SLC60A1: variants seen among roughly 807,000 people sequenced by gnomAD.
The protein encoded by SLC60A1 is major facilitator superfamily domain containing 4.
chr1:205,602,253 C>T, the SLC60A1 span: 1 of 152,640 alleles, frequency 6.6e-6, no homozygotes, highest in South Asian at 2.1e-4. Context: ...ACACGCCTGA[C>T]ACTAAAAGGT....
At chr1:205,593,444 ACT>A in the SLC60A1 span, among the ~76,000 whole-genome samples, 2 of 36,254 alleles carry the variant, frequency 5.5e-5, no homozygotes, top group African/African-American at 1.4e-4. Context: ...ACAGGGCGAG[ACT>A]CTGTCTCAAA....
the SLC60A1 span, chr1:205,583,904 G>A: frequency 2.5e-6 from 4 of 1,585,870 alleles, no homozygotes; most frequent in South Asian, 1.1e-5. Flanking sequence ...CCAGGCGTGG[G>A]AAGGGGGAGC....
chr1:205,592,332 G>C, the SLC60A1 span: 1 of 1,556,480 alleles, frequency 6.4e-7, no homozygotes, highest in Non-Finnish European at 8.7e-7. Flanking sequence ...ATCTAGCTGG[G>C]CGCCGCCGCC....
the SLC60A1 span, among the ~76,000 whole-genome samples, chr1:205,584,365 T>A: frequency 3.9e-3 from 597 of 151,222 alleles, 3 homozygotes; most frequent in African/African-American, 0.014. Flanking sequence ...GGGATTACAG[T>A]CACATGCCAC....
chr1:205,572,516 C>T, the SLC60A1 span, among the ~76,000 whole-genome samples: 2 of 152,148 alleles, frequency 1.3e-5, no homozygotes, highest in African/African-American at 4.8e-5. Flanking sequence ...TCCTACCCTG[C>T]CCCAGACCTA....
chr1:205,580,920 A>G, the SLC60A1 span: 36 of 1,612,962 alleles, frequency 2.2e-5, no homozygotes, highest in Non-Finnish European at 2.8e-5. This position sits in a 1 kb window ranked among gnomAD's most constrained non-coding sequence, Gnocchi z 5.0. Context: ...GCCCTCATCA[A>G]TGTGAGTGTC....
chr1:205,600,660 C>G, the SLC60A1 span: 2 of 574,412 alleles, frequency 3.5e-6, no homozygotes, highest in Non-Finnish European at 6.2e-6. Flanking sequence ...CCTGGCTTCT[C>G]AAGTTATCTT....
At chr1:205,600,307 C>A in the SLC60A1 span, 1 of 1,259,282 alleles carries the variant, frequency 7.9e-7, no homozygotes, top group Non-Finnish European at 1.1e-6. Context: ...CACAGAATGG[C>A]AGAGAAACAA....
chr1:205,580,623 A>ACCCCCCCCC, the SLC60A1 span: 2 of 1,570,440 alleles, frequency 1.3e-6, no homozygotes, highest in South Asian at 1.1e-5. The surrounding 1 kb of genome is among the most constrained non-coding windows in gnomAD (Gnocchi z 5.0). Context: ...CTGAAGACTG[A>ACCCCCCCCC]CCCCCACCCC....
At chr1:205,598,508 T>A in the SLC60A1 span, 1 of 153,480 alleles carries the variant, frequency 6.5e-6, no homozygotes, top group Non-Finnish European at 1.5e-5. Context: ...CATCTAGATC[T>A]TCCGGCCTCC....
At chr1:205,580,035 C>T in the SLC60A1 span, 26 of 1,386,196 alleles carry the variant, frequency 1.9e-5, no homozygotes, top group Non-Finnish European at 2.5e-5. The surrounding 1 kb of genome is among the most constrained non-coding windows in gnomAD (Gnocchi z 5.0). Flanking sequence ...CAGCCTCCTC[C>T]CCCAGGGGCC....
the SLC60A1 span, chr1:205,580,100 G>T: frequency 4.7e-6 from 4 of 857,662 alleles, no homozygotes; most frequent in Non-Finnish European, 7.0e-6. This position sits in a 1 kb window ranked among gnomAD's most constrained non-coding sequence, Gnocchi z 5.0. Flanking sequence ...CTCTAAAGCA[G>T]AGCAGTGATC....
At chr1:205,599,492 A>G in the SLC60A1 span, among the ~76,000 whole-genome samples, 1 of 152,162 alleles carries the variant, frequency 6.6e-6, no homozygotes, top group Admixed American at 6.5e-5. Context: ...TGGTTTCTCC[A>G]TTAGCAGAGG....
chr1:205,579,894 T>A, the SLC60A1 span: 2 of 1,613,994 alleles, frequency 1.2e-6, no homozygotes, highest in East Asian at 4.5e-5. Context: ...ATCGACACCG[T>A]GGCCAACATG....
At chr1:205,585,213 TTTTTG>T in the SLC60A1 span, among the ~76,000 whole-genome samples, 3 of 151,486 alleles carry the variant, frequency 2.0e-5, no homozygotes, top group African/African-American at 7.2e-5. The surrounding 1 kb of genome is among the most constrained non-coding windows in gnomAD (Gnocchi z 4.2). Context: ...TTGTTTTTTA[TTTTTG>T]TTTTATTTTT....
the SLC60A1 span, among the ~76,000 whole-genome samples, chr1:205,577,680 C>T: frequency 0.039 from 5,934 of 152,236 alleles, 360 homozygotes; most frequent in African/African-American, 0.13. This position sits in a 1 kb window ranked among gnomAD's most constrained non-coding sequence, Gnocchi z 5.2. Context: ...CCTGCATTTG[C>T]ACCTTCTGAG....
the SLC60A1 span, among the ~76,000 whole-genome samples, chr1:205,588,476 A>C: frequency 6.7e-6 from 1 of 149,664 alleles, no homozygotes; most frequent in Non-Finnish European, 1.5e-5. Context: ...AATCAAAAAA[A>C]AAAAAAAAAA....
At chr1:205,569,416 G>A in the SLC60A1 span, 1 of 618,606 alleles carries the variant, frequency 1.6e-6, no homozygotes, top group Non-Finnish European at 2.1e-6. Flanking sequence ...GGGGCTGCCC[G>A]TCGCCCCCGC....
chr1:205,572,460 TC>T, the SLC60A1 span, among the ~76,000 whole-genome samples: 8 of 152,150 alleles, frequency 5.3e-5, no homozygotes, highest in Non-Finnish European at 1.0e-4. Flanking sequence ...TTCACTTTTC[TC>T]TTTTTGTTCC....
Sources: gnomAD v4.1 joint callset for allele counts (sites outside exome capture counted in the v4.1 genomes callset) on GRCh38, gnomAD v4.1.1 for gene constraint, Gnocchi (gnomAD v3.1) non-coding constraint, MANE v1.5 for transcripts, NCBI Gene and HGNC (gene_info 2026-07-23, HGNC 2026-07-21) for gene names.